SLC36A1: variants seen among roughly 807,000 people sequenced by gnomAD.
SLC36A1 encodes solute carrier family 36 member 1.
In SLC36A1, 30 loss-of-function variants were observed where a neutral mutation model predicts 47.5. The observed-to-expected ratio is 0.63, with a 90% confidence interval of 0.47 to 0.86. SLC36A1 has a LOEUF of 0.86. SLC36A1 is among the 40% of genes least tolerant of loss of function. The pLI is 0.00. For missense variants in SLC36A1, 517 were observed against 606.0 expected, an observed-to-expected ratio of 0.85 and a Z score of 1.54; for synonymous variants, 255 against 249.7, an observed-to-expected ratio of 1.02 and a Z score of -0.20.
chr5:151,439,661 A>C (rs1459068125), intron 1 of SLC36A1, among the ~76,000 whole-genome samples: 7 of 151,384 alleles, frequency 4.6e-5, no homozygotes, highest in African/African-American at 1.7e-4. Context: ...TCAAAAAAAA[A>C]AGAAAAGAAA....
intron 2 of SLC36A1, among the ~76,000 whole-genome samples, chr5:151,461,191 A>G (rs1304482232): frequency 3.1e-5 from 4 of 129,872 alleles, no homozygotes; most frequent in Admixed American, 8.3e-5. Flanking sequence ...GGGTTTTGCT[A>G]TGTTGCCCAC....
the SLC36A1 span, chr5:151,512,466 A>G: frequency 6.2e-7 from 1 of 1,614,222 alleles, no homozygotes; most frequent in Non-Finnish European, 8.5e-7. This position sits in a 1 kb window ranked among gnomAD's most constrained non-coding sequence, Gnocchi z 4.1. Context: ...CCATGCTGTC[A>G]ACCATCAGGC....
chr5:151,484,664 A>G (rs1406472947), intron 10 of SLC36A1, among the ~76,000 whole-genome samples: 3 of 152,222 alleles, frequency 2.0e-5, no homozygotes, highest in Non-Finnish European at 2.9e-5. Context: ...TCAGCTTGTT[A>G]TGGAGCAGGG....
At chr5:151,545,968 T>C in the SLC36A1 span, 5 of 1,614,084 alleles carry the variant, frequency 3.1e-6, no homozygotes, top group Non-Finnish European at 4.2e-6. Context: ...GATTTTCTCA[T>C]GGTCCAATTT....
At chr5:151,520,035 T>G in the SLC36A1 span, among the ~76,000 whole-genome samples, 8,771 of 152,312 alleles carry the variant, frequency 0.058, 834 homozygotes, top group African/African-American at 0.2. Context: ...TGGCTTTCCC[T>G]GAAGCAGGCC....
the SLC36A1 span, among the ~76,000 whole-genome samples, chr5:151,405,343 CTTTT>C: frequency 1.2e-5 from 1 of 85,234 alleles, no homozygotes; most frequent in South Asian, 3.9e-4. Context: ...CTCTCTTTCT[CTTTT>C]TTTTTTTTTT....
chr5:151,413,808 G>T, the SLC36A1 span, among the ~76,000 whole-genome samples: 1 of 151,918 alleles, frequency 6.6e-6, no homozygotes, highest in Admixed American at 6.6e-5. Context: ...TGCACCTGTA[G>T]ATTCATTTCG....
the SLC36A1 span, among the ~76,000 whole-genome samples, chr5:151,389,933 G>A: frequency 6.6e-5 from 10 of 152,182 alleles, no homozygotes; most frequent in Admixed American, 2.6e-4. Context: ...CCAGTAATGG[G>A]ATGGCTGGAT....
At chr5:151,544,105 GC>G in the SLC36A1 span, 1 of 1,614,202 alleles carries the variant, frequency 6.2e-7, no homozygotes. Context: ...GTGTTGTTGG[GC>G]TTCATAATCC....
At chr5:151,432,140 C>T (rs1006651276), upstream of SLC36A1, among the ~76,000 whole-genome samples, 3 of 151,990 alleles carry the variant, frequency 2.0e-5, no homozygotes, top group African/African-American at 7.3e-5. Context: ...TGATGGGTGC[C>T]GGGAATGAAA....
chr5:151,523,260 C>A, the SLC36A1 span, among the ~76,000 whole-genome samples: 39 of 151,888 alleles, frequency 2.6e-4, no homozygotes, highest in African/African-American at 9.2e-4. Context: ...TTAGTTACAA[C>A]AATACTACTA....
At chr5:151,388,376 C>T in the SLC36A1 span, among the ~76,000 whole-genome samples, 4 of 152,036 alleles carry the variant, frequency 2.6e-5, no homozygotes, top group South Asian at 2.1e-4. Flanking sequence ...TGGCGCATGC[C>T]GGTAATCCCA....
upstream of SLC36A1, among the ~76,000 whole-genome samples, chr5:151,434,065 T>C (rs1052453191): frequency 1.3e-5 from 2 of 152,200 alleles, no homozygotes; most frequent in African/African-American, 4.8e-5. Flanking sequence ...GAACCTAGAC[T>C]GATAGTTGCC....
chr5:151,401,382 A>G, the SLC36A1 span, among the ~76,000 whole-genome samples: 1,915 of 152,194 alleles, frequency 0.013, 51 homozygotes, highest in African/African-American at 0.044. Flanking sequence ...CCATGGGTCT[A>G]TGAGTCTGTT....
the SLC36A1 span, among the ~76,000 whole-genome samples, chr5:151,379,485 C>T: frequency 2.0e-5 from 3 of 152,204 alleles, no homozygotes; most frequent in Non-Finnish European, 4.4e-5. Context: ...AGGCATGCGC[C>T]ACCACACCCA....
chr5:151,357,858 G>T, the SLC36A1 span, among the ~76,000 whole-genome samples: 1 of 152,176 alleles, frequency 6.6e-6, no homozygotes, highest in East Asian at 1.9e-4. Flanking sequence ...CCTAAATCTT[G>T]TGGCATCTGT....
the SLC36A1 span, chr5:151,517,849 G>A: frequency 2.0e-6 from 3 of 1,510,974 alleles, no homozygotes; most frequent in East Asian, 4.5e-5. Context: ...TTTAATCCTT[G>A]GGTGGCAGAC....
the SLC36A1 span, among the ~76,000 whole-genome samples, chr5:151,373,684 G>T: frequency 1.3e-5 from 2 of 152,132 alleles, no homozygotes; most frequent in Non-Finnish European, 2.9e-5. Flanking sequence ...AAAAAGAAAT[G>T]ACAATCTTTG....
chr5:151,519,886 C>T, the SLC36A1 span, among the ~76,000 whole-genome samples: 2 of 152,258 alleles, frequency 1.3e-5, no homozygotes, highest in South Asian at 4.1e-4. Flanking sequence ...TCAGAACCTT[C>T]TAAATTAAAA....
Sources: allele counts gnomAD v4.1 joint callset (sites outside exome capture counted in the v4.1 genomes callset), GRCh38; gene constraint gnomAD v4.1.1; non-coding constraint Gnocchi (gnomAD v3.1); transcripts MANE v1.5; gene names NCBI Gene and HGNC (gene_info 2026-07-23, HGNC 2026-07-21).